Variants in DNAH12 observed in about 807,000 individuals in gnomAD.
DNAH12 encodes dynein axonemal heavy chain 12, also known as axonemal beta dynein heavy chain 12.
DNAH12 carries 285 observed loss-of-function variants against 371.5 expected under a neutral mutation model. The observed-to-expected ratio is 0.77, with a 90% CI of 0.70 to 0.85. DNAH12 has a LOEUF of 0.85. Ranked by LOEUF, DNAH12 falls within the 40% of genes least tolerant of loss-of-function variation. DNAH12 has a pLI of 0.00. For synonymous variants in DNAH12, 1,200 were observed against 1,213.0 expected (o/e 0.99, Z 0.22); for missense variants, 3,611 against 3,689.4 (o/e 0.98, Z 0.55).
At chr3:57,423,606 T>C (rs868077382) in intron 35 of DNAH12, among the ~76,000 whole-genome samples, 1 of 151,704 alleles carries the variant, frequency 6.6e-6, no homozygotes, top group African/African-American at 2.4e-5. Context: ...AGGGAGGAGA[T>C]CAATGCATTT....
At chr3:57,542,091 C>T (rs1177276787) in intron 2 of DNAH12, among the ~76,000 whole-genome samples, 1 of 140,952 alleles carries the variant, frequency 7.1e-6, no homozygotes, top group Non-Finnish European at 1.5e-5. Context: ...TCTAATTGAA[C>T]TGAACCAACC....
chr3:57,447,364 A>G (rs1311763770), intron 25 of DNAH12, among the ~76,000 whole-genome samples: 2 of 152,172 alleles, frequency 1.3e-5, no homozygotes, highest in South Asian at 4.1e-4. Flanking sequence ...GTGGCTGGAA[A>G]TTTTTAGAAA....
chr3:57,483,479 T>C lies in DNAH12; in HGVS notation c.1547A>G (p.His516Arg), dbSNP rs866350684. 6.4e-7 allele frequency: 1 copy of C among 1,551,102 alleles called. No homozygotes were observed. Residue 516 changes from histidine to arginine, a missense_variant, in exon 13 of 74, where the codon CAT (histidine) becomes CGT (arginine). Transcript: ENST00000495027. The part of the protein sequence containing the change: ...ICSEFEAIKE[H>R]ALKVPETTEE... ...TGTTGTTTCAGGGACTTTTAATGCA[T>C]GTTCTTTAATTGCTTCAAATTCACT...
At position 57,434,322 on chromosome 3, in the gene DNAH12, A is replaced by G. The variant is rs544292828; in HGVS notation, c.4656-494T>C. 2.6e-3 allele frequency among the ~76,000 whole-genome samples: 396 copies of G among 152,284 alleles called. 2 individuals are homozygous for G. The highest frequency in any genetic ancestry group is 4.6e-3 in the Non-Finnish European group (314 of 68,018). On this transcript the variant is annotated intron_variant, in intron 30 of 73. Transcript: ENST00000495027. ...GCATTACTTCCAAGCAGGGATAGGT[A>G]ATTGCCAGCTAGAGACCTCACAGAG...
At chr3:57,410,309 A>T (rs1294227380) in intron 39 of DNAH12, among the ~76,000 whole-genome samples, 2 of 150,742 alleles carry the variant, frequency 1.3e-5, no homozygotes, top group Non-Finnish European at 3.0e-5. Context: ...AAACTTTTCC[A>T]TTTTTTTTAT....
chr3:57,502,245 GACAA>G lies in DNAH12; in HGVS notation c.1243+74_1243+77del, dbSNP rs1575695136. 1.1e-5 allele frequency: 17 copies of G among 1,563,460 alleles called. No individual in the cohort carries two copies. In the East Asian group the frequency reaches 2.3e-4, roughly 21 times the overall value. ...TCCCTGTTCTTTCATGGCAGCCCCAGACAAACAAACATCTGACCAAATTCTAGCA... is the reference window on the plus strand; with the variant it reads ...TCCCTGTTCTTTCATGGCAGCCCCAGACAAACATCTGACCAAATTCTAGCA... On this transcript the variant is annotated intron_variant, in intron 10 of 73. Coordinates refer to ENST00000495027, the MANE Select transcript of DNAH12 (RefSeq NM_001366028.2).
chr3:57,463,837 G>A (rs186024118), intron 17 of DNAH12, among the ~76,000 whole-genome samples: 7 of 151,914 alleles, frequency 4.6e-5, no homozygotes, highest in Admixed American at 6.6e-5. Context: ...ATGCGATCTC[G>A]GCTCACTGCA....
intron 62 of DNAH12, among the ~76,000 whole-genome samples, chr3:57,333,637 C>G (rs973726489): frequency 2.6e-5 from 4 of 152,126 alleles, no homozygotes; most frequent in African/African-American, 7.2e-5. Context: ...GTCAAAACTA[C>G]TCTTTTTAAA....
intron 55 of DNAH12, 63 bp from the exon 56 acceptor site, chr3:57,368,323 T>C (rs1335206459): frequency 1.3e-5 from 2 of 152,130 alleles, no homozygotes; most frequent in Non-Finnish European, 2.9e-5. Context: ...TTTAAAATTA[T>C]ATAAATAATA....
At chr3:57,520,004 C>T in intron 4 of DNAH12, 1 of 788,444 alleles carries the variant, frequency 1.3e-6, no homozygotes, top group South Asian at 1.5e-5. Flanking sequence ...TCTTCCACGT[C>T]GGCCATGGTA....
At position 57,457,980 on chromosome 3, in the gene DNAH12, T is replaced by G. The variant is rs754381182; in HGVS notation, c.3077A>C (p.Glu1026Ala). 1 of 1,550,308 alleles carries G rather than the reference T, an allele frequency of 6.5e-7. No individual in the cohort carries two copies. The change falls in exon 22 of 74, where the codon GAA becomes GCA. Residue 1026 changes from glutamate (E) to alanine (A), a missense_variant. Physicochemically the swap from Glu to Ala is moderately radical, Grantham distance 107. Around this residue, in one of 3 missense-constraint regions of DNAH12, gnomAD observed 1,314 missense variants for 1,398.7 expected, o/e 0.94. Transcript: ENST00000495027. Reference sequence around the variant, plus strand: ...GGTCTCTGATAAAATCTCTAACATTTCATCATTAGATAAGAAGAAAAAACT... The same window carrying G: ...GGTCTCTGATAAAATCTCTAACATTGCATCATTAGATAAGAAGAAAAAACT... Reference protein sequence around the residue: ...FPRFFFLSNDEMLEILSETKD... With the variant: ...FPRFFFLSNDAMLEILSETKD...
chr3:57,471,168 A>G (rs2066355010), intron 15 of DNAH12, among the ~76,000 whole-genome samples: 1 of 150,866 alleles, frequency 6.6e-6, no homozygotes. Context: ...CCTGGGCAAC[A>G]TGGCAAAACC....
chr3:57,378,423 GTCTC>G lies in DNAH12; in HGVS notation c.8223+731_8223+734del, dbSNP rs1157663504. Among the ~76,000 whole-genome samples, 397 of 152,060 alleles carry G rather than the reference GTCTC, an allele frequency of 2.6e-3. 2 individuals are homozygous for G. Among genetic ancestry groups the G allele is most frequent in the Non-Finnish European group, 4.6e-3 (315 of 67,988 alleles). On this transcript the variant is annotated intron_variant, in intron 52 of 73. Coordinates refer to ENST00000495027, the MANE Select transcript of DNAH12 (RefSeq NM_001366028.2). ...GGTCTGCTCCTTTGAAACTAACAAA[GTCTC>G]TATCTCTCTACAGGTACATGTACAT...
At chr3:57,533,556 T>A (rs1423117291) in intron 2 of DNAH12, among the ~76,000 whole-genome samples, 1 of 152,176 alleles carries the variant, frequency 6.6e-6, no homozygotes, top group Non-Finnish European at 1.5e-5. Flanking sequence ...GGCTCTTTAG[T>A]CAGTAAGTGA....
chr3:57,437,167 ATTGT>A lies in DNAH12; in HGVS notation c.4546-111_4546-108del, dbSNP rs1438366169. 2.1e-5 allele frequency: 15 copies of A among 714,132 alleles called. No homozygotes were observed. The Middle Eastern group carries it at 9.7e-4, about 46-fold the overall frequency. 44.2% of individuals were successfully genotyped at this position (714,132 alleles called of 1,614,324 possible). On this transcript the variant is annotated intron_variant, in intron 29 of 73. Coordinates refer to ENST00000495027, the MANE Select transcript of DNAH12 (RefSeq NM_001366028.2). Reference sequence around the variant, plus strand: ...TACTAGTTAAAAAAAAACTATCATCATTGTTTATTATTTCTTAAAACTTTATTAT... The same window carrying A: ...TACTAGTTAAAAAAAAACTATCATCATTATTATTTCTTAAAACTTTATTAT...
chr3:57,400,762 C>A (rs1254422306), intron 43 of DNAH12, among the ~76,000 whole-genome samples: 1 of 152,072 alleles, frequency 6.6e-6, no homozygotes, highest in African/African-American at 2.4e-5. Context: ...GGGGGACTAC[C>A]ATAATAGTAA....
chr3:57,502,504 ATGT>A, intron 9 of DNAH12, 25 bp from the exon 10 acceptor site: 1 of 1,599,264 alleles, frequency 6.3e-7, no homozygotes, highest in African/African-American at 1.3e-5. Context: ...AATAATAACA[ATGT>A]ATACAATAAA....
At chr3:57,373,198 C>T (rs1030300442) in intron 55 of DNAH12, among the ~76,000 whole-genome samples, 1,834 of 152,172 alleles carry the variant, frequency 0.012, 21 homozygotes, top group African/African-American at 0.042. Context: ...GCTTGGGTCC[C>T]GCAGCTGTAA....
chr3:57,442,273 C>T (rs940074637), intron 29 of DNAH12, among the ~76,000 whole-genome samples: 3 of 122,964 alleles, frequency 2.4e-5, no homozygotes, highest in Non-Finnish European at 5.6e-5. Flanking sequence ...GAAAGGGTAG[C>T]GTAAGAGGCT....
Sources: gnomAD v4.1 joint callset for allele counts (sites outside exome capture counted in the v4.1 genomes callset) on GRCh38, gnomAD v4.1.1 for gene constraint, gnomAD v4.1.1 regional missense constraint, MANE v1.5 for transcripts, NCBI Gene and HGNC (gene_info 2026-07-23, HGNC 2026-07-21) for gene names.